The following EBF2 variants were observed in gnomAD, a reference collection of about 807,000 sequenced individuals.
The protein encoded by EBF2 is EBF transcription factor 2, also known as transcription factor COE2.
In EBF2, 21 loss-of-function variants were observed where a neutral mutation model predicts 72.8. The ratio of observed to expected loss-of-function variants is 0.29; its 90% confidence interval spans 0.20 to 0.42. The LOEUF is 0.42. Ranked by LOEUF, EBF2 falls within the 10% of genes least tolerant of loss-of-function variation. The probability of loss-of-function intolerance (pLI) is 1.00; values close to 1 mark genes in which losing one functional copy is unlikely to be tolerated. For synonymous variants in EBF2, 299 were observed against 274.2 expected (o/e 1.09, Z -0.89); for missense variants, 637 against 731.2 (o/e 0.87, Z 1.49).
chr8:25,985,893 T>C (rs770100167), intron 6 of EBF2, among the ~76,000 whole-genome samples: 1 of 148,736 alleles, frequency 6.7e-6, no homozygotes, highest in Non-Finnish European at 1.5e-5. Flanking sequence ...TCCCAGCTAC[T>C]GGGGAGGCTG....
chr8:25,915,459 A>G (rs182502523), intron 6 of EBF2, among the ~76,000 whole-genome samples: 39 of 152,314 alleles, frequency 2.6e-4, no homozygotes, highest in Non-Finnish European at 4.4e-5. Context: ...CATTCCTATC[A>G]GGGAGTGCAC....
intron 6 of EBF2, among the ~76,000 whole-genome samples, chr8:26,017,154 T>TAA (rs760786092): frequency 0.17 from 23,336 of 139,230 alleles, 1,964 homozygotes; most frequent in Non-Finnish European, 0.21. Context: ...TCCCCTTATT[T>TAA]AAAAAAAAAA....
At chr8:26,001,492 A>G (rs1447549467) in intron 6 of EBF2, among the ~76,000 whole-genome samples, 3 of 152,188 alleles carry the variant, frequency 2.0e-5, no homozygotes, top group African/African-American at 7.2e-5. Flanking sequence ...AGTATCTATA[A>G]TTCTAAATAA....
intron 6 of EBF2, among the ~76,000 whole-genome samples, chr8:26,028,013 A>C (rs1003298188): frequency 1.3e-5 from 2 of 152,190 alleles, no homozygotes; most frequent in Non-Finnish European, 2.9e-5. Context: ...TTAGTTTTGC[A>C]AGATGAAAAG....
intron 7 of EBF2, among the ~76,000 whole-genome samples, chr8:25,899,807 G>T (rs535250347): frequency 6.6e-6 from 1 of 151,984 alleles, no homozygotes; most frequent in Non-Finnish European, 1.5e-5. Context: ...TGCAGTTGTC[G>T]CATCCAGCAT....
intron 6 of EBF2, among the ~76,000 whole-genome samples, chr8:25,969,705 G>A (rs1176165264): frequency 2.0e-5 from 3 of 152,202 alleles, no homozygotes; most frequent in Admixed American, 6.5e-5. Flanking sequence ...CAAGGCTCAG[G>A]TTTGGGGACA....
rs375330218 is a variant in EBF2, at chr8:25,881,237, GA to G, written c.1009+5517del. Among the ~76,000 whole-genome samples, 447 of 152,046 alleles carry G rather than the reference GA, an allele frequency of 2.9e-3. 3 individuals carry two copies. Among genetic ancestry groups the G allele is most frequent in the African/African-American group, 0.01 (423 of 41,466 alleles). The stretch of plus-strand genomic sequence containing the variant: ...TTCCCATGGCGCTTGAGGAAGAGCT[GA>G]AAAAAAACAAGCCTTAATGTGACCT... On this transcript the variant is annotated intron_variant, in intron 10 of 15. Coordinates refer to ENST00000520164, the MANE Select transcript of EBF2 (RefSeq NM_022659.4).
At chr8:25,963,593 C>A (rs1804071003) in intron 6 of EBF2, among the ~76,000 whole-genome samples, 1 of 152,152 alleles carries the variant, frequency 6.6e-6, no homozygotes. Flanking sequence ...TTCCTACTGC[C>A]ATCAAGCCCT....
chr8:25,926,991 T>A (rs1471314940), intron 6 of EBF2, among the ~76,000 whole-genome samples: 1 of 152,192 alleles, frequency 6.6e-6, no homozygotes, highest in Non-Finnish European at 1.5e-5. Flanking sequence ...GGTTAGTTCT[T>A]GTCAACATGG....
chr8:25,956,747 T>C (rs1196552795), intron 6 of EBF2, among the ~76,000 whole-genome samples: 1 of 152,230 alleles, frequency 6.6e-6, no homozygotes. Flanking sequence ...GGGGCCGTTG[T>C]GATGGCGACA....
At chr8:25,853,253 A>G (rs1802019270) in intron 14 of EBF2, among the ~76,000 whole-genome samples, 1 of 152,200 alleles carries the variant, frequency 6.6e-6, no homozygotes, top group Non-Finnish European at 1.5e-5. Context: ...CAACAAACAC[A>G]AAAAGGCAAA....
chr8:25,889,372 A>G (rs1802740254), intron 8 of EBF2, among the ~76,000 whole-genome samples: 1 of 152,172 alleles, frequency 6.6e-6, no homozygotes, highest in Admixed American at 6.5e-5. Context: ...TTTCATTCTG[A>G]GCATTGTTTT....
chr8:25,954,223 G>A (rs913475361), intron 6 of EBF2, among the ~76,000 whole-genome samples: 1 of 152,216 alleles, frequency 6.6e-6, no homozygotes, highest in African/African-American at 2.4e-5. Flanking sequence ...GGCGGAGTAA[G>A]AGTGATATCG....
chr8:25,861,374 C>T lies in EBF2; in HGVS notation c.1099G>A (p.Glu367Lys). ...HPGDPERLAK[E>K]MLLKRAADLV... is the part of the protein sequence containing the mutation. ...TCTGCAGCTCTTTTCAACAGCATCT[C>T]CTGGAAAATAAGCGAGGATGGGATA... Residue 367 changes from glutamate to lysine, a missense_variant and splice_region_variant, in exon 12 of 16, where the codon GAG (glutamate) becomes AAG (lysine). Glu to Lys is a moderately conservative substitution (Grantham distance 56). Coordinates refer to ENST00000520164, the MANE Select transcript of EBF2 (RefSeq NM_022659.4). The T allele has an allele frequency of 6.2e-7, 1 of 1,614,102 alleles. No individual in the cohort carries two copies. The highest frequency in any genetic ancestry group is 8.5e-7 in the Non-Finnish European group (1 of 1,180,020).
intron 6 of EBF2, among the ~76,000 whole-genome samples, chr8:25,961,188 C>T (rs1804029102): frequency 6.6e-6 from 1 of 152,138 alleles, no homozygotes. Flanking sequence ...TGATATAGTA[C>T]ATATCATTTA....
At chr8:25,974,498 T>G (rs1471132374) in intron 6 of EBF2, among the ~76,000 whole-genome samples, 42 of 152,246 alleles carry the variant, frequency 2.8e-4, no homozygotes, top group Non-Finnish European at 1.5e-5. Context: ...AAAGCTGATT[T>G]AGCTATCAAT....
intron 6 of EBF2, among the ~76,000 whole-genome samples, chr8:25,924,640 AT>A (rs1803356756): frequency 6.6e-6 from 1 of 152,216 alleles, no homozygotes; most frequent in African/African-American, 2.4e-5. Flanking sequence ...AATATCAATA[AT>A]TGCCAGATAT....
In EBF2 at chr8:26,001,902, T is replaced by C. The variant is rs1462028349; in HGVS notation, c.551+31183A>G. On this transcript the variant is annotated intron_variant, in intron 6 of 15. Coordinates refer to ENST00000520164, the MANE Select transcript of EBF2 (RefSeq NM_022659.4). ...AAGTTTCCTCCCCCATGCCCACTCCTACACAGCCTCTGGATCCTAATGATG... is the reference window on the plus strand; with the variant it reads ...AAGTTTCCTCCCCCATGCCCACTCCCACACAGCCTCTGGATCCTAATGATG... Among the ~76,000 whole-genome samples, 4 of 152,142 alleles carry C rather than the reference T, an allele frequency of 2.6e-5. No individual in the cohort carries two copies. The East Asian group carries it at 7.7e-4, about 29-fold the overall frequency.
intron 6 of EBF2, among the ~76,000 whole-genome samples, chr8:25,941,089 G>A (rs1372569478): frequency 6.6e-6 from 1 of 152,142 alleles, no homozygotes; most frequent in Non-Finnish European, 1.5e-5. Flanking sequence ...TTGGGAGTAT[G>A]ACATCAAATC....
Sources: gnomAD v4.1 joint callset for allele counts (sites outside exome capture counted in the v4.1 genomes callset) on GRCh38, gnomAD v4.1.1 for gene constraint, MANE v1.5 for transcripts, NCBI Gene and HGNC (gene_info 2026-07-23, HGNC 2026-07-21) for gene names.